The following ATXN1 variants were observed in gnomAD, a reference collection of about 807,000 sequenced individuals.
ATXN1 encodes ataxin-1.
Under a neutral mutation model 56.4 loss-of-function variants are expected in ATXN1, and 8 were observed. The ratio of observed to expected loss-of-function variants is 0.14; its 90% CI spans 0.08 to 0.26. The LOEUF (loss-of-function observed/expected upper bound fraction) is 0.26, where lower values mean the gene tolerates loss of function less well. ATXN1 is among the 10% of genes least tolerant of loss of function. The probability of loss-of-function intolerance (pLI) is 1.00; values close to 1 mark genes in which losing one functional copy is unlikely to be tolerated. For missense variants in ATXN1, 987 were observed against 1,106.5 expected (o/e 0.89, Z 1.53); for synonymous variants, 514 against 494.6 (o/e 1.04, Z -0.52).
intron 6 of ATXN1, among the ~76,000 whole-genome samples, chr6:16,393,903 C>CTT (rs367640759): frequency 0.01 from 1,278 of 127,544 alleles, 10 homozygotes; most frequent in Non-Finnish European, 0.015. Flanking sequence ...ATGGAATCAC[C>CTT]TTTTTTTTTT....
intron 2 of ATXN1, among the ~76,000 whole-genome samples, chr6:16,752,356 G>A (rs1041382020): frequency 6.6e-6 from 1 of 152,156 alleles, no homozygotes; most frequent in East Asian, 1.9e-4. Flanking sequence ...TGCCTAGACA[G>A]ATCAATGATT....
At chr6:16,663,174 G>A (rs1283415577) in intron 2 of ATXN1, among the ~76,000 whole-genome samples, 1 of 151,916 alleles carries the variant, frequency 6.6e-6, no homozygotes, top group Non-Finnish European at 1.5e-5. Flanking sequence ...TCACCATGTT[G>A]GTCAGGCTGG....
At chr6:16,543,710 C>A (rs1028614190) in intron 4 of ATXN1, among the ~76,000 whole-genome samples, 1 of 148,460 alleles carries the variant, frequency 6.7e-6, no homozygotes. Flanking sequence ...TGTTTTCAAG[C>A]ATTACTACTT....
In ATXN1 at chr6:16,599,298, T is replaced by C. The variant is rs1209178671; in HGVS notation, c.-488-13391A>G. Reference sequence around the variant, plus strand: ...CACAGAGGACTAAAAGTGCTGGCCCTATAGCAGCCTCATGCAAAAACAGAT... The same window carrying C: ...CACAGAGGACTAAAAGTGCTGGCCCCATAGCAGCCTCATGCAAAAACAGAT... On this transcript the variant is annotated intron_variant, in intron 3 of 7. Transcript: ENST00000436367. Among the ~76,000 whole-genome samples, 3 of 152,152 alleles carry C rather than the reference T, an allele frequency of 2.0e-5. 1 individual carries two copies. The highest frequency in any genetic ancestry group is 2.9e-5 in the Non-Finnish European group (2 of 68,028).
chr6:16,706,402 C>A (rs1206317630), intron 2 of ATXN1, among the ~76,000 whole-genome samples: 1 of 151,972 alleles, frequency 6.6e-6, no homozygotes, highest in African/African-American at 2.4e-5. Flanking sequence ...AGAAAGAGAA[C>A]GAGAGGCAGA....
At chr6:16,515,278 G>A (rs565120122) in intron 5 of ATXN1, among the ~76,000 whole-genome samples, 18 of 152,166 alleles carry the variant, frequency 1.2e-4, no homozygotes, top group African/African-American at 4.3e-4. Flanking sequence ...TATGGACACA[G>A]CTGTAAAGCT....
chr6:16,449,947 T>C (rs1469879882), intron 6 of ATXN1, among the ~76,000 whole-genome samples: 1 of 152,244 alleles, frequency 6.6e-6, no homozygotes, highest in East Asian at 1.9e-4. Context: ...AATTTCTGTG[T>C]TCATCACAAA....
chr6:16,426,030 T>A (rs952125288), intron 6 of ATXN1, among the ~76,000 whole-genome samples: 2 of 152,172 alleles, frequency 1.3e-5, no homozygotes, highest in Non-Finnish European at 2.9e-5. Flanking sequence ...GAAAGACTCG[T>A]TGGCATATTG....
intron 6 of ATXN1, among the ~76,000 whole-genome samples, chr6:16,389,321 AGC>A (rs770642910): frequency 6.8e-6 from 1 of 148,098 alleles, no homozygotes; most frequent in East Asian, 2.0e-4. Context: ...TGAGTGACAG[AGC>A]GAGACTCCAT....
chr6:16,400,559 T>C (rs1304501419), intron 6 of ATXN1, among the ~76,000 whole-genome samples: 1 of 152,250 alleles, frequency 6.6e-6, no homozygotes, highest in Non-Finnish European at 1.5e-5. Flanking sequence ...CTCCAGTGAC[T>C]ATGTGGATGA....
intron 3 of ATXN1, among the ~76,000 whole-genome samples, chr6:16,623,861 G>A (rs1390739288): frequency 6.6e-6 from 1 of 152,188 alleles, no homozygotes; most frequent in Non-Finnish European, 1.5e-5. Context: ...TATATCCCCA[G>A]AAAGCTGGTA....
chr6:16,444,514 T>G (rs1205910312), intron 6 of ATXN1, among the ~76,000 whole-genome samples: 1 of 152,172 alleles, frequency 6.6e-6, no homozygotes, highest in Non-Finnish European at 1.5e-5. Flanking sequence ...ACAACAGATA[T>G]GCTGCAATCT....
chr6:16,457,157 G>C (rs1475272876), intron 6 of ATXN1, among the ~76,000 whole-genome samples: 2 of 152,130 alleles, frequency 1.3e-5, no homozygotes, highest in Non-Finnish European at 2.9e-5. Context: ...GAATGCATTG[G>C]TAAGGGCCAC....
intron 3 of ATXN1, among the ~76,000 whole-genome samples, chr6:16,612,445 T>C (rs949442223): frequency 6.6e-6 from 1 of 151,880 alleles, no homozygotes; most frequent in East Asian, 1.9e-4. Context: ...AGGTGTAGAG[T>C]ATAAAAGATA....
At chr6:16,612,441 A>C (rs1233081474) in intron 3 of ATXN1, among the ~76,000 whole-genome samples, 1 of 152,240 alleles carries the variant, frequency 6.6e-6, no homozygotes, top group East Asian at 1.9e-4. Context: ...AAATAGGTGT[A>C]GAGTATAAAA....
chr6:16,427,713 GA>G (rs1212078123), intron 6 of ATXN1, among the ~76,000 whole-genome samples: 1 of 152,210 alleles, frequency 6.6e-6, no homozygotes, highest in Non-Finnish European at 1.5e-5. Flanking sequence ...TTTTCAGGCA[GA>G]TACAACTCCC....
At chr6:16,435,939 C>T (rs1180973595) in intron 6 of ATXN1, among the ~76,000 whole-genome samples, 1 of 151,972 alleles carries the variant, frequency 6.6e-6, no homozygotes, top group Admixed American at 6.6e-5. Context: ...ACTCTGTCAC[C>T]CAGGCTGGAG....
chr6:16,606,659 G>A (rs1763011289), intron 3 of ATXN1, among the ~76,000 whole-genome samples: 1 of 151,604 alleles, frequency 6.6e-6, no homozygotes, highest in South Asian at 2.1e-4. Context: ...CTCCCAAGTA[G>A]CTGGGACTAC....
intron 6 of ATXN1, among the ~76,000 whole-genome samples, chr6:16,333,028 C>T (rs936493708): frequency 1.3e-5 from 2 of 152,218 alleles, no homozygotes; most frequent in African/African-American, 4.8e-5. Flanking sequence ...AATTAAACAT[C>T]TCTAGCCTCT....
Sources: gnomAD v4.1 joint callset for allele counts (sites outside exome capture counted in the v4.1 genomes callset) on GRCh38, gnomAD v4.1.1 for gene constraint, MANE v1.5 for transcripts, NCBI Gene and HGNC (gene_info 2026-07-23, HGNC 2026-07-21) for gene names.